The following NRG3 variants were observed in gnomAD, a reference collection of about 807,000 sequenced individuals.
The protein encoded by NRG3 is pro-neuregulin-3, membrane-bound isoform.
NRG3 carries 31 observed loss-of-function variants against 66.9 expected under a neutral mutation model. The ratio of observed to expected loss-of-function variants is 0.46; its 90% confidence interval spans 0.35 to 0.63. The LOEUF is 0.63. Ranked by LOEUF, NRG3 falls within the 20% of genes least tolerant of loss-of-function variation. The pLI is 0.00. For synonymous variants in NRG3, 393 were observed against 359.4 expected (o/e 1.09, Z -1.06); for missense variants, 910 against 878.9 (o/e 1.04, Z -0.45).
chr10:82,559,591 C>G (rs1273490980), intron 2 of NRG3, among the ~76,000 whole-genome samples: 1 of 152,192 alleles, frequency 6.6e-6, no homozygotes, highest in Non-Finnish European at 1.5e-5. Context: ...TCCTGCAACC[C>G]AGAAGGACAG....
intron 4 of NRG3, among the ~76,000 whole-genome samples, chr10:82,908,072 C>A (rs1476130945): frequency 1.3e-5 from 2 of 152,082 alleles, no homozygotes; most frequent in African/African-American, 4.8e-5. Flanking sequence ...TTCTCAATAG[C>A]CATTACTTTT....
intron 1 of NRG3, among the ~76,000 whole-genome samples, chr10:82,170,525 C>G (rs542494507): frequency 1.3e-5 from 2 of 151,488 alleles, no homozygotes; most frequent in Admixed American, 6.6e-5. Context: ...ACACCTGATT[C>G]TGAGTCTCAG....
At chr10:81,908,591 A>G (rs992698878) in intron 1 of NRG3, among the ~76,000 whole-genome samples, 2 of 152,172 alleles carry the variant, frequency 1.3e-5, no homozygotes, top group Admixed American at 6.5e-5. Flanking sequence ...CAGCCATATG[A>G]TTACGGGGTT....
chr10:82,889,260 C>CAGT (rs1268844208), intron 4 of NRG3, among the ~76,000 whole-genome samples: 1 of 152,062 alleles, frequency 6.6e-6, no homozygotes, highest in Non-Finnish European at 1.5e-5. Context: ...GATTCTGAAT[C>CAGT]TATACTGAGA....
intron 2 of NRG3, among the ~76,000 whole-genome samples, chr10:82,680,770 T>C (rs2054054436): frequency 1.3e-5 from 2 of 152,214 alleles, no homozygotes; most frequent in Non-Finnish European, 2.9e-5. Flanking sequence ...ACATAATAAA[T>C]GCCCTAGTTT....
chr10:82,534,696 A>C (rs1177955230), intron 2 of NRG3, among the ~76,000 whole-genome samples: 2 of 152,234 alleles, frequency 1.3e-5, no homozygotes, highest in East Asian at 1.9e-4. Context: ...TACAGTAATC[A>C]AAAGAGTGTG....
chr10:82,277,353 C>G (rs1320607645), intron 1 of NRG3, among the ~76,000 whole-genome samples: 1 of 152,028 alleles, frequency 6.6e-6, no homozygotes, highest in Non-Finnish European at 1.5e-5. Flanking sequence ...TCAGATAATT[C>G]TCTTCCAGAG....
intron 1 of NRG3, among the ~76,000 whole-genome samples, chr10:82,237,048 G>T (rs939335217): frequency 6.6e-6 from 1 of 152,104 alleles, no homozygotes; most frequent in African/African-American, 2.4e-5. Flanking sequence ...ACATATATCA[G>T]ACAATGTCTT....
At chr10:82,681,613 T>C (rs189775395) in intron 2 of NRG3, among the ~76,000 whole-genome samples, 7 of 152,338 alleles carry the variant, frequency 4.6e-5, no homozygotes, top group Admixed American at 6.5e-5. Context: ...ATCAATACAT[T>C]GACAAATGTC....
At chr10:82,242,240 T>C (rs2077038920) in intron 1 of NRG3, among the ~76,000 whole-genome samples, 1 of 152,146 alleles carries the variant, frequency 6.6e-6, no homozygotes, top group African/African-American at 2.4e-5. Flanking sequence ...GTTTTGTTTG[T>C]TTTCTATGTC....
chr10:82,276,129 G>A (rs115970382), intron 1 of NRG3, among the ~76,000 whole-genome samples: 1 of 151,866 alleles, frequency 6.6e-6, no homozygotes. Flanking sequence ...ATTTTCCAAA[G>A]TACATATCAT....
intron 2 of NRG3, among the ~76,000 whole-genome samples, chr10:82,397,202 A>T (rs1006961855): frequency 6.6e-6 from 1 of 152,142 alleles, no homozygotes; most frequent in African/African-American, 2.4e-5. Context: ...TCTTCTTGCA[A>T]ATGTCTAGAC....
intron 3 of NRG3, among the ~76,000 whole-genome samples, chr10:82,840,300 A>G (rs566505840): frequency 1.3e-5 from 2 of 152,126 alleles, no homozygotes; most frequent in South Asian, 4.1e-4. Flanking sequence ...ACGTTGGTGG[A>G]CTATTAATAG....
intron 1 of NRG3, chr10:81,889,664 A>G (rs1484527788): frequency 1.3e-5 from 2 of 152,216 alleles, no homozygotes; most frequent in Non-Finnish European, 2.9e-5. Context: ...TTCACTGATC[A>G]GGTAATTTTC....
intron 2 of NRG3, among the ~76,000 whole-genome samples, chr10:82,445,585 G>A (rs1481185893): frequency 2.0e-5 from 3 of 152,128 alleles, no homozygotes; most frequent in African/African-American, 7.2e-5. Context: ...AGTTATCCAA[G>A]TACTTTCTCC....
intron 3 of NRG3, among the ~76,000 whole-genome samples, chr10:82,818,538 G>A (rs1367081872): frequency 6.6e-6 from 1 of 152,128 alleles, no homozygotes; most frequent in Non-Finnish European, 1.5e-5. Flanking sequence ...AGAACAGTCT[G>A]GACACTGAGA....
chr10:82,662,939 T>C (rs2133975754), intron 2 of NRG3, among the ~76,000 whole-genome samples: 1 of 152,302 alleles, frequency 6.6e-6, no homozygotes, highest in African/African-American at 2.4e-5. Context: ...TGTAACTGTA[T>C]TCCAGGTAGG....
chr10:82,821,527 G>T (rs1023254413), intron 3 of NRG3, among the ~76,000 whole-genome samples: 1 of 150,784 alleles, frequency 6.6e-6, no homozygotes, highest in Non-Finnish European at 1.5e-5. Flanking sequence ...AAAGATTCCT[G>T]TGCCCCTTCT....
intron 1 of NRG3, among the ~76,000 whole-genome samples, chr10:82,353,803 T>C (rs1426188889): frequency 6.6e-6 from 1 of 151,994 alleles, no homozygotes; most frequent in African/African-American, 2.4e-5. Flanking sequence ...TAACACTCCT[T>C]TATTCTTCCT....
Sources: allele counts gnomAD v4.1 joint callset (sites outside exome capture counted in the v4.1 genomes callset), GRCh38; gene constraint gnomAD v4.1.1; transcripts MANE v1.5; gene names NCBI Gene and HGNC (gene_info 2026-07-23, HGNC 2026-07-21).